Variants in TMEM200A observed in about 807,000 individuals in gnomAD.
TMEM200A encodes the protein two transmembrane C.
TMEM200A carries 12 observed loss-of-function variants against 24.3 expected under a neutral mutation model. That is an observed-to-expected ratio of 0.49 (90% CI 0.32 to 0.80). The LOEUF is 0.80. TMEM200A is among the 30% of genes least tolerant of loss of function. TMEM200A has a pLI of 0.04. For missense variants in TMEM200A, 545 were observed against 614.4 expected, an observed-to-expected ratio of 0.89 and a Z score of 1.19; for synonymous variants, 224 against 224.4, an observed-to-expected ratio of 1.00 and a Z score of 0.02.
chr6:130,394,838 A>G (rs1325737523), intron 2 of TMEM200A, among the ~76,000 whole-genome samples: 1 of 152,154 alleles, frequency 6.6e-6, no homozygotes, highest in Non-Finnish European at 1.5e-5. Flanking sequence ...CAAAAGCCTT[A>G]AGGCCCTTTA....
intron 2 of TMEM200A, among the ~76,000 whole-genome samples, chr6:130,410,133 AG>A (rs1779298840): frequency 6.6e-6 from 1 of 152,174 alleles, no homozygotes; most frequent in African/African-American, 2.4e-5. Context: ...CTTATCTCCT[AG>A]GTAGACTTTT....
intron 1 of TMEM200A, among the ~76,000 whole-genome samples, chr6:130,368,349 G>C (rs1405933101): frequency 6.6e-6 from 1 of 152,098 alleles, no homozygotes; most frequent in Non-Finnish European, 1.5e-5. Context: ...AAAGATAAAA[G>C]CAAATGTCAA....
Position 130,366,668 on chromosome 6 carries a change from A to C in TMEM200A, c.-81+144A>C. On this transcript the variant is annotated intron_variant, in intron 1 of 2. Transcript: ENST00000296978. This position sits in a 1 kb window ranked among gnomAD's most constrained non-coding sequence, Gnocchi z 4.4. ...GTTAGGTAAACGCTGTCTCTCCTAA[A>C]GTTTGGGAAATAAACCAAGTCCGCC... The C allele has an allele frequency of 1.3e-6, 1 of 759,792 alleles. No individual in the cohort carries two copies. Among genetic ancestry groups the C allele is most frequent in the Non-Finnish European group, 1.6e-6 (1 of 624,052 alleles). The allele number at this position is 759,792 out of a possible 1,614,324, so 47.1% of individuals were successfully genotyped here. A position where few individuals can be genotyped will look rare whatever the true frequency, so the allele number is the denominator to read the frequency against.
Position 130,436,630 on chromosome 6 carries a change from C to CTTTT in TMEM200A, c.-16-3777_-16-3776insTTTT, listed in dbSNP as rs1583233634. Among the ~76,000 whole-genome samples, 568 of 66,696 alleles carry CTTTT rather than the reference C, an allele frequency of 8.5e-3. 224 individuals carry two copies. The highest frequency in any genetic ancestry group is 0.019 in the East Asian group (37 of 1,964). The allele number at this position is 66,696 out of a possible 152,430, so 43.8% of individuals were successfully genotyped here. On this transcript the variant is annotated intron_variant, in intron 2 of 2. Transcript: ENST00000296978. Reference sequence around the variant, plus strand: ...TTCACTAGGCTTCGTTTTTCTTTATCCTTTTTTTTTTTTTTTTTTTTTTTT... The same window carrying CTTTT: ...TTCACTAGGCTTCGTTTTTCTTTATCTTTTCTTTTTTTTTTTTTTTTTTTTTTTT...
intron 1 of TMEM200A, among the ~76,000 whole-genome samples, chr6:130,369,924 A>G (rs1778278762): frequency 6.6e-6 from 1 of 152,162 alleles, no homozygotes; most frequent in Admixed American, 6.5e-5. Context: ...TCACCACCCC[A>G]CTTTGTGTTC....
intron 2 of TMEM200A, among the ~76,000 whole-genome samples, chr6:130,393,215 G>A (rs922154746): frequency 1.3e-5 from 2 of 152,198 alleles, no homozygotes; most frequent in African/African-American, 4.8e-5. Flanking sequence ...TCGGCAGTAG[G>A]TAGTAGAGAG....
At chr6:130,406,422 G>A (rs1019275481) in intron 2 of TMEM200A, among the ~76,000 whole-genome samples, 13 of 152,008 alleles carry the variant, frequency 8.6e-5, no homozygotes, top group African/African-American at 2.4e-4. Context: ...GTTTAGTCAC[G>A]TGTATGCATC....
At chr6:130,383,438 C>T (rs77422677) in intron 1 of TMEM200A, among the ~76,000 whole-genome samples, 4,101 of 152,126 alleles carry the variant, frequency 0.027, 64 homozygotes, top group African/African-American at 0.041. Context: ...TTCATGATGC[C>T]GTCTTAATAA....
At chr6:130,394,276 G>T (rs1424410299) in intron 2 of TMEM200A, among the ~76,000 whole-genome samples, 1 of 152,150 alleles carries the variant, frequency 6.6e-6, no homozygotes, top group East Asian at 1.9e-4. Flanking sequence ...ATGCAAAAAA[G>T]AACCTTTATC....
intron 2 of TMEM200A, among the ~76,000 whole-genome samples, chr6:130,397,081 A>G (rs568312250): frequency 6.6e-6 from 1 of 152,292 alleles, no homozygotes; most frequent in Admixed American, 6.5e-5. Context: ...AATCAGATTA[A>G]TACTTGTAGC....
chr6:130,370,567 G>A (rs1238974709), intron 1 of TMEM200A, among the ~76,000 whole-genome samples: 3 of 152,146 alleles, frequency 2.0e-5, no homozygotes, highest in Non-Finnish European at 4.4e-5. Flanking sequence ...CAATGATCTG[G>A]AGTTTGCACA....
chr6:130,413,238 C>T (rs2115164737), intron 2 of TMEM200A, among the ~76,000 whole-genome samples: 1 of 152,302 alleles, frequency 6.6e-6, no homozygotes, highest in East Asian at 1.9e-4. Context: ...CTGTGAAGCC[C>T]TCTACTTTGG....
At chr6:130,390,928 T>C (rs1778818300) in intron 2 of TMEM200A, among the ~76,000 whole-genome samples, 2 of 152,134 alleles carry the variant, frequency 1.3e-5, no homozygotes, top group Non-Finnish European at 2.9e-5. Context: ...CATTGTAGGG[T>C]GTTTAGCTCC....
rs543750720 is a variant in TMEM200A, at chr6:130,415,654, C to G, written c.-16-24753C>G. ...CACCCCTCCCATGCTCACGAGATATCCTTCCTCTACCCACATGTCATGAAA... is the reference window on the plus strand; with the variant it reads ...CACCCCTCCCATGCTCACGAGATATGCTTCCTCTACCCACATGTCATGAAA... On this transcript the variant is annotated intron_variant, in intron 2 of 2. Transcript: ENST00000296978. Among the ~76,000 whole-genome samples, 52 of 152,244 alleles carry G rather than the reference C, an allele frequency of 3.4e-4. 1 individual carries two copies. The highest frequency in any genetic ancestry group is 1.3e-3 in the African/African-American group (52 of 41,544).
chr6:130,439,251 G>A (rs1780096290), intron 2 of TMEM200A: 1 of 152,140 alleles, frequency 6.6e-6, no homozygotes, highest in South Asian at 2.1e-4. Flanking sequence ...TTATCATATG[G>A]TCTAGTAAAA....
intron 1 of TMEM200A, among the ~76,000 whole-genome samples, chr6:130,377,329 G>A (rs1372452868): frequency 6.6e-6 from 1 of 152,194 alleles, no homozygotes; most frequent in Non-Finnish European, 1.5e-5. Flanking sequence ...AGTTAAAAAG[G>A]CAGCACATGC....
intron 2 of TMEM200A, among the ~76,000 whole-genome samples, chr6:130,409,307 G>A (rs1779279909): frequency 6.6e-6 from 1 of 152,008 alleles, no homozygotes; most frequent in Non-Finnish European, 1.5e-5. Context: ...TCTTTAAGTG[G>A]TTATTTATGT....
At chr6:130,375,446 T>G (rs1562549037) in intron 1 of TMEM200A, among the ~76,000 whole-genome samples, 1 of 152,224 alleles carries the variant, frequency 6.6e-6, no homozygotes, top group African/African-American at 2.4e-5. Flanking sequence ...TGCTGCCAGC[T>G]GGGGATCCAG....
chr6:130,380,110 A>C (rs1485631312), intron 1 of TMEM200A, among the ~76,000 whole-genome samples: 1 of 152,210 alleles, frequency 6.6e-6, no homozygotes, highest in Non-Finnish European at 1.5e-5. Context: ...ATAACCTTCA[A>C]ATTTTTGAGT....
Sources: gnomAD v4.1 joint callset for allele counts (sites outside exome capture counted in the v4.1 genomes callset) on GRCh38, gnomAD v4.1.1 for gene constraint, Gnocchi (gnomAD v3.1) non-coding constraint, MANE v1.5 for transcripts, NCBI Gene and HGNC (gene_info 2026-07-23, HGNC 2026-07-21) for gene names.